Variants in RGS6 observed in about 807,000 individuals in gnomAD.
The protein encoded by RGS6 is regulator of G protein signaling 6.
RGS6 carries 30 observed loss-of-function variants against 78.5 expected under a neutral mutation model. That is an observed-to-expected ratio of 0.38 (90% confidence interval 0.29 to 0.52). The LOEUF (loss-of-function observed/expected upper bound fraction) is 0.52. Among genes scored for constraint, RGS6 ranks in the 20% least tolerant of loss-of-function variants. The probability of loss-of-function intolerance (pLI) is 0.85; values close to 1 mark genes in which losing one functional copy is unlikely to be tolerated. For missense variants in RGS6, 495 were observed against 609.7 expected, an observed-to-expected ratio of 0.81 and a Z score of 1.98; for synonymous variants, 206 against 206.0, an observed-to-expected ratio of 1.00 and a Z score of 0.00.
intron 12 of RGS6, among the ~76,000 whole-genome samples, chr14:72,480,773 A>ACATCCC (rs1221517212): frequency 6.6e-6 from 1 of 152,114 alleles, no homozygotes; most frequent in African/African-American, 2.4e-5. Flanking sequence ...ATCCACATCC[A>ACATCCC]CATCCCCATC....
In RGS6 at chr14:72,086,230, G is replaced by A. The variant is rs148890462; in HGVS notation, c.84+121355G>A. ...TGATAACATGATGGGAGATGAAGTC[G>A]TTTTTCAAAAGTGTTCTGGGTCCAG... On this transcript the variant is annotated intron_variant, in intron 2 of 17. Coordinates refer to ENST00000553525, the MANE Select transcript of RGS6 (RefSeq NM_001204424.2). Among the ~76,000 whole-genome samples, 195 of 152,320 alleles carry A rather than the reference G, an allele frequency of 1.3e-3. 1 individual carries two copies. The highest frequency in any genetic ancestry group is 0.01 in the Middle Eastern group (3 of 294).
chr14:72,626,203 G>A, the RGS6 span, among the ~76,000 whole-genome samples: 1 of 152,108 alleles, frequency 6.6e-6, no homozygotes, highest in African/African-American at 2.4e-5. Flanking sequence ...TATGATGGTT[G>A]TAAGAGTCAA....
chr14:72,031,261 T>C (rs1326069911), intron 2 of RGS6, among the ~76,000 whole-genome samples: 10 of 152,316 alleles, frequency 6.6e-5, no homozygotes, highest in Non-Finnish European at 1.3e-4. Flanking sequence ...AATCCATGAA[T>C]GCATGCTATG....
Position 72,154,292 on chromosome 14 carries a change from C to CAT in RGS6, c.84+189417_84+189418insAT, listed in dbSNP as rs201545820. 9.1e-3 allele frequency among the ~76,000 whole-genome samples: 1,383 copies of CAT among 152,172 alleles called. 19 individuals carry two copies. Among genetic ancestry groups the CAT allele is most frequent in the African/African-American group, 0.031 (1,301 of 41,506 alleles). Reference sequence around the variant, plus strand: ...ACTGATTTCATATTGTTCAAACACACGTTTTACAATCAATTTGTGCAGTTA... The same window carrying CAT: ...ACTGATTTCATATTGTTCAAACACACATGTTTTACAATCAATTTGTGCAGTTA... On this transcript the variant is annotated intron_variant, in intron 2 of 17. Transcript: ENST00000553525.
Position 72,180,865 on chromosome 14 carries a change from G to A in RGS6, c.85-171230G>A, listed in dbSNP as rs377430326. Among the ~76,000 whole-genome samples the A allele has an allele frequency of 9.9e-5, 15 of 152,270 alleles. No individual in the cohort carries two copies. The East Asian group carries it at 2.7e-3, about 27-fold the overall frequency. ...CTTCCACCTTCCCCCTTCCACCATGGGACAATCCTCTCCAGATGCCTGTGC... is the reference window on the plus strand; with the variant it reads ...CTTCCACCTTCCCCCTTCCACCATGAGACAATCCTCTCCAGATGCCTGTGC... On this transcript the variant is annotated intron_variant, in intron 2 of 17. Transcript: ENST00000553525.
At chr14:72,010,248 C>T (rs752826115) in intron 2 of RGS6, among the ~76,000 whole-genome samples, 1 of 152,098 alleles carries the variant, frequency 6.6e-6, no homozygotes, top group Non-Finnish European at 1.5e-5. Context: ...ATTTCCATAT[C>T]GAGTCTTGCC....
intron 2 of RGS6, among the ~76,000 whole-genome samples, chr14:72,266,110 G>A (rs1471882810): frequency 6.6e-6 from 1 of 152,068 alleles, no homozygotes; most frequent in African/African-American, 2.4e-5. Flanking sequence ...GACTCAGCTG[G>A]GAAATTCTTT....
intron 2 of RGS6, among the ~76,000 whole-genome samples, chr14:71,981,293 C>A (rs866876450): frequency 6.6e-6 from 1 of 152,168 alleles, no homozygotes; most frequent in African/African-American, 2.4e-5. Flanking sequence ...AGCTTTGTTC[C>A]GTTGCTGGTG....
chr14:72,001,316 T>C (rs1353976803), intron 2 of RGS6, among the ~76,000 whole-genome samples: 1 of 152,214 alleles, frequency 6.6e-6, no homozygotes, highest in East Asian at 1.9e-4. Flanking sequence ...TTTTCCTACC[T>C]CATAGAATTC....
chr14:71,912,292 G>A, the RGS6 span, among the ~76,000 whole-genome samples: 3 of 152,180 alleles, frequency 2.0e-5, no homozygotes, highest in East Asian at 1.9e-4. Context: ...GTCCTGGCTG[G>A]GAACTCAATT....
At chr14:72,308,865 G>T (rs1241446066) in intron 2 of RGS6, among the ~76,000 whole-genome samples, 3 of 152,138 alleles carry the variant, frequency 2.0e-5, no homozygotes, top group Non-Finnish European at 4.4e-5. Flanking sequence ...ACCTCCCTCA[G>T]TTCTCTAAAT....
At chr14:72,399,166 A>ATTATTATTGTGTGGG (rs1309172527) in intron 3 of RGS6, among the ~76,000 whole-genome samples, 1 of 142,246 alleles carries the variant, frequency 7.0e-6, no homozygotes, top group Admixed American at 7.1e-5. Context: ...AAAGTCTCCC[A>ATTATTATTGTGTGGG]AGTCTCTTTG....
At chr14:72,375,042 A>G (rs931415751) in intron 3 of RGS6, among the ~76,000 whole-genome samples, 1 of 152,220 alleles carries the variant, frequency 6.6e-6, no homozygotes, top group Non-Finnish European at 1.5e-5. Flanking sequence ...AAGATAAAGC[A>G]GATAAAAGTA....
chr14:72,106,053 C>A (rs564857044), intron 2 of RGS6, among the ~76,000 whole-genome samples: 2 of 152,086 alleles, frequency 1.3e-5, no homozygotes, highest in African/African-American at 4.8e-5. Context: ...ATCCAGAGGT[C>A]GCAGTGGGAT....
At chr14:71,885,054 C>T in the RGS6 span, among the ~76,000 whole-genome samples, 7 of 152,208 alleles carry the variant, frequency 4.6e-5, no homozygotes, top group Non-Finnish European at 8.8e-5. Context: ...CTGTCCAATA[C>T]TATTGCCATC....
At chr14:72,320,294 A>G (rs1047474554) in intron 2 of RGS6, among the ~76,000 whole-genome samples, 1 of 152,208 alleles carries the variant, frequency 6.6e-6, no homozygotes, top group African/African-American at 2.4e-5. Context: ...TTAAAAAACT[A>G]TTGGCTGGGC....
rs140800579 is a variant in RGS6 at position 72,420,147 on chromosome 14, C to T, written c.185-34381C>T. On this transcript the variant is annotated intron_variant, in intron 3 of 17. Transcript: ENST00000553525. Reference sequence around the variant, plus strand: ...GTTCGTGGCAGAAGTAAGTCTCAAACCCCAGGCTTGCCTCCAATTTTCTTT... The same window carrying T: ...GTTCGTGGCAGAAGTAAGTCTCAAATCCCAGGCTTGCCTCCAATTTTCTTT... Among the ~76,000 whole-genome samples the T allele has an allele frequency of 1.3e-3, 202 of 152,344 alleles. 1 individual carries two copies. The highest frequency in any genetic ancestry group is 4.6e-3 in the African/African-American group (190 of 41,574).
intron 1 of RGS6, among the ~76,000 whole-genome samples, chr14:71,943,894 T>G (rs966130963): frequency 3.3e-5 from 5 of 151,960 alleles, no homozygotes; most frequent in African/African-American, 1.2e-4. Context: ...CATGGACTAG[T>G]GGGGGTGCAT....
At chr14:71,923,142 C>A in the RGS6 span, among the ~76,000 whole-genome samples, 1 of 152,148 alleles carries the variant, frequency 6.6e-6, no homozygotes, top group African/African-American at 2.4e-5. Context: ...AATGGAACGG[C>A]CATGATTAGC....
Sources: gnomAD v4.1 joint callset for allele counts (sites outside exome capture counted in the v4.1 genomes callset) on GRCh38, gnomAD v4.1.1 for gene constraint, MANE v1.5 for transcripts, NCBI Gene and HGNC (gene_info 2026-07-23, HGNC 2026-07-21) for gene names.